SLC25A19: variants seen among roughly 807,000 people sequenced by gnomAD.
SLC25A19 encodes the protein solute carrier family 25 member 19, also known as mitochondrial thiamine pyrophosphate carrier.
In SLC25A19, 18 loss-of-function variants were observed where a neutral mutation model predicts 27.9. That is an observed-to-expected ratio of 0.64 (90% CI 0.45 to 0.96). SLC25A19 has a LOEUF of 0.96. SLC25A19 is among the 40% of genes least tolerant of loss of function. SLC25A19 has a pLI of 0.00. For synonymous variants in SLC25A19, 169 were observed against 167.1 expected, an observed-to-expected ratio of 1.01 and a Z score of -0.09; for missense variants, 371 against 418.3, an observed-to-expected ratio of 0.89 and a Z score of 0.99.
chr17:75,284,128 G>A (rs1052834865), intron 4 of SLC25A19, among the ~76,000 whole-genome samples: 1 of 151,940 alleles, frequency 6.6e-6, no homozygotes, highest in African/African-American at 2.4e-5. Context: ...AAAAAGACTG[G>A]GTGCAGTGGC....
intron 7 of SLC25A19, among the ~76,000 whole-genome samples, chr17:75,274,473 C>G (rs2077813361): frequency 6.6e-6 from 1 of 152,196 alleles, no homozygotes; most frequent in Non-Finnish European, 1.5e-5. Context: ...CCAAGATCTG[C>G]CGTTTAAGGC....
intron 5 of SLC25A19, among the ~76,000 whole-genome samples, chr17:75,282,882 AT>A (rs2078075833): frequency 6.6e-6 from 1 of 151,060 alleles, no homozygotes; most frequent in Non-Finnish European, 1.5e-5. Context: ...AAAAATAAAA[AT>A]AAAAATAAAA....
chr17:75,273,586 T>C lies in SLC25A19; in HGVS notation c.828A>G (p.Glu276=), dbSNP rs2077783349. Residue 276 remains glutamate (E), a synonymous_variant, in exon 8 of 8, where the codon GAA becomes GAG. Coordinates refer to ENST00000416858, the MANE Select transcript of SLC25A19 (RefSeq NM_001126121.2). ...GGCCCTTGAAGAAGCCCAGGGCGCC[T>C]TCCTTTTGCAGCACCTGCTTGGCAC... ...MDCAKQVLQK[E]GALGFFKGLS... is the part of the protein sequence containing the mutation. 1 of 1,613,856 alleles carries C rather than the reference T, an allele frequency of 6.2e-7. No homozygotes were observed. The highest frequency in any genetic ancestry group is 8.5e-7 in the Non-Finnish European group (1 of 1,179,952).
At chr17:75,278,072 T>C in intron 6 of SLC25A19, 80 bp downstream of exon 6, 3 of 1,509,140 alleles carry the variant, frequency 2.0e-6, no homozygotes, top group Non-Finnish European at 1.8e-6. Flanking sequence ...ACAGGAGAAC[T>C]TTAGCTCCTT....
At chr17:75,284,353 A>AGATT (rs1401877797) in intron 4 of SLC25A19, among the ~76,000 whole-genome samples, 1 of 152,206 alleles carries the variant, frequency 6.6e-6, no homozygotes, top group Non-Finnish European at 1.5e-5. Context: ...CAGTGAGCTG[A>AGATT]GATTGCGCCA....
intron 5 of SLC25A19, among the ~76,000 whole-genome samples, chr17:75,279,811 T>C (rs2077993022): frequency 6.6e-6 from 1 of 152,038 alleles, no homozygotes; most frequent in African/African-American, 2.4e-5. Context: ...CCAGCCCAAT[T>C]CTTTGTTTTT....
At chr17:75,276,230 G>A (rs1394232854) in intron 7 of SLC25A19, among the ~76,000 whole-genome samples, 2 of 152,090 alleles carry the variant, frequency 1.3e-5, no homozygotes, top group South Asian at 2.1e-4. Flanking sequence ...AGCCGAGATC[G>A]TGCCATTGCA....
chr17:75,277,069 T>C (rs1598179785), intron 7 of SLC25A19, among the ~76,000 whole-genome samples: 2 of 149,738 alleles, frequency 1.3e-5, no homozygotes, highest in African/African-American at 4.9e-5. Context: ...GTCAGGAGGG[T>C]TCAAGACCAG....
chr17:75,273,950 T>A (rs2077795114), intron 7 of SLC25A19: 2 of 352,662 alleles, frequency 5.7e-6, no homozygotes, highest in Non-Finnish European at 1.1e-5. Flanking sequence ...TTAGTAGAGA[T>A]GCAGTTTCGC....
intron 7 of SLC25A19, among the ~76,000 whole-genome samples, chr17:75,275,163 A>C (rs1321858140): frequency 6.6e-6 from 1 of 150,646 alleles, no homozygotes; most frequent in Non-Finnish European, 1.5e-5. Context: ...TAATTTTTTA[A>C]TTTTTATTTT....
intron 5 of SLC25A19, among the ~76,000 whole-genome samples, 167 bp downstream of exon 5, chr17:75,283,256 G>A (rs989235330): frequency 2.0e-5 from 3 of 151,988 alleles, no homozygotes; most frequent in African/African-American, 7.3e-5. Context: ...AGCCAAGATC[G>A]CACCACTGCA....
At chr17:75,282,346 T>A (rs376183633) in intron 5 of SLC25A19, among the ~76,000 whole-genome samples, 10 of 141,492 alleles carry the variant, frequency 7.1e-5, no homozygotes, top group South Asian at 4.5e-4. Context: ...AGATCAGGAG[T>A]TCAAGACCAG....
chr17:75,282,539 G>A (rs2078064804), intron 5 of SLC25A19, among the ~76,000 whole-genome samples: 1 of 149,844 alleles, frequency 6.7e-6, no homozygotes. Context: ...ATAAGAGCGA[G>A]ACTCCGTCTC....
intron 7 of SLC25A19, among the ~76,000 whole-genome samples, chr17:75,276,046 G>A (rs937672097): frequency 6.6e-6 from 1 of 152,032 alleles, no homozygotes; most frequent in African/African-American, 2.4e-5. Flanking sequence ...GGCCGAGGCA[G>A]GTGGATCACC....
At chr17:75,284,004 C>T (rs2078120617) in intron 4 of SLC25A19, among the ~76,000 whole-genome samples, 1 of 151,774 alleles carries the variant, frequency 6.6e-6, no homozygotes, top group African/African-American at 2.4e-5. Flanking sequence ...GTCCCAGGTA[C>T]TTGGGGGGCT....
Position 75,286,310 on chromosome 17 carries a change from A to G in SLC25A19, c.282T>C (p.Ala94=). The part of the protein sequence containing the change: ...PAQILSIGYG[A]VQFLSFEMLT... ...CAGGTCCCTTGCCACCTACTTGGACAGCTCCATAGCCTATGGAGAGAATCT... is the reference window on the plus strand; with the variant it reads ...CAGGTCCCTTGCCACCTACTTGGACGGCTCCATAGCCTATGGAGAGAATCT... The change falls in exon 4 of 8, where the codon GCT becomes GCC. Residue 94 remains alanine, a synonymous_variant. Coordinates refer to ENST00000416858, the MANE Select transcript of SLC25A19 (RefSeq NM_001126121.2). 1 of 1,613,894 alleles carries G rather than the reference A, an allele frequency of 6.2e-7. No homozygotes were observed. Among genetic ancestry groups the G allele is most frequent in the Non-Finnish European group, 8.5e-7 (1 of 1,180,020 alleles).
intron 5 of SLC25A19, among the ~76,000 whole-genome samples, chr17:75,278,972 GACTCTGTCTCAAA>G (rs528060724): frequency 2.3e-4 from 34 of 150,940 alleles, no homozygotes; most frequent in African/African-American, 8.4e-4. Flanking sequence ...GACAGGCGGA[GACTCTGTCTCAAA>G]AACATAAATA....
intron 7 of SLC25A19, 66 bp from the exon 8 acceptor site, chr17:75,273,705 C>T: frequency 7.1e-7 from 1 of 1,404,064 alleles, no homozygotes; most frequent in South Asian, 1.2e-5. Context: ...GCCCCTGGCA[C>T]ATCACAGATC....
chr17:75,284,521 G>T (rs2078134534), intron 4 of SLC25A19, among the ~76,000 whole-genome samples: 1 of 152,118 alleles, frequency 6.6e-6, no homozygotes, highest in Admixed American at 6.6e-5. Context: ...GACCCCTTCA[G>T]TGCAGCTGGC....
Sources: gnomAD v4.1 joint callset for allele counts (sites outside exome capture counted in the v4.1 genomes callset) on GRCh38, gnomAD v4.1.1 for gene constraint, MANE v1.5 for transcripts, NCBI Gene and HGNC (gene_info 2026-07-23, HGNC 2026-07-21) for gene names.